The following TTC28 variants were observed in gnomAD, a reference collection of about 807,000 sequenced individuals.
TTC28 encodes tetratricopeptide repeat domain 28.
TTC28 carries 61 observed loss-of-function variants against 198.0 expected under a neutral mutation model. The ratio of observed to expected loss-of-function variants is 0.31; its 90% CI spans 0.25 to 0.38. The LOEUF (loss-of-function observed/expected upper bound fraction) is 0.38. Ranked by LOEUF, TTC28 falls within the 10% of genes least tolerant of loss-of-function variation. TTC28 has a pLI of 1.00. For missense variants in TTC28, 2,678 were observed against 3,164.0 expected, an observed-to-expected ratio of 0.85 and a Z score of 3.69; for synonymous variants, 1,171 against 1,297.8, an observed-to-expected ratio of 0.90 and a Z score of 2.10.
intron 2 of TTC28, among the ~76,000 whole-genome samples, chr22:28,503,815 C>T (rs1212891980): frequency 6.6e-6 from 1 of 152,096 alleles, no homozygotes; most frequent in East Asian, 1.9e-4. Context: ...TGACAGATTC[C>T]AAGAACTGAT....
chr22:28,629,801 G>T lies in TTC28; in HGVS notation c.132C>A (p.Gly44=). ...PIPLFGADTI[G]QRSPDGPVLS... is the part of the protein sequence containing the mutation. ...GTACCGGTCCATCAGGACTTCTCTG[G>T]CCAATAGTGTCAGCACCAAAGAGAG... Residue 44 remains glycine, a synonymous_variant, in exon 2 of 23, where the codon GGC becomes GGA. Transcript: ENST00000397906. 1 of 1,551,490 alleles carries T rather than the reference G, an allele frequency of 6.4e-7. No individual in the cohort carries two copies. Among genetic ancestry groups the T allele is most frequent in the South Asian group, 1.2e-5 (1 of 83,994 alleles).
At chr22:28,472,849 G>C (rs1284246440) in intron 2 of TTC28, among the ~76,000 whole-genome samples, 1 of 152,036 alleles carries the variant, frequency 6.6e-6, no homozygotes, top group East Asian at 1.9e-4. Context: ...ATAGTAACAA[G>C]AAGTTTCAGA....
chr22:28,041,154 T>C (rs1328227117), intron 12 of TTC28, among the ~76,000 whole-genome samples: 3 of 152,210 alleles, frequency 2.0e-5, no homozygotes, highest in Non-Finnish European at 4.4e-5. Context: ...ATGGCCATAC[T>C]GCCCAAGGTA....
chr22:28,557,539 A>G (rs1258709999), intron 2 of TTC28, among the ~76,000 whole-genome samples: 5 of 152,048 alleles, frequency 3.3e-5, no homozygotes, highest in Non-Finnish European at 5.9e-5. Context: ...CATATTTGAT[A>G]CTCTCTTGCT....
chr22:28,011,789 C>T (rs1938176572), intron 14 of TTC28, among the ~76,000 whole-genome samples: 1 of 151,998 alleles, frequency 6.6e-6, no homozygotes, highest in African/African-American at 2.4e-5. Flanking sequence ...GAGGTGACAC[C>T]TCAGCTGGGC....
chr22:28,333,851 T>C (rs535518897), intron 2 of TTC28, among the ~76,000 whole-genome samples: 111 of 151,622 alleles, frequency 7.3e-4, no homozygotes, highest in African/African-American at 2.7e-3. Context: ...ATTTTCTTTA[T>C]TTTTTATTTT....
At chr22:28,672,889 CT>C (rs1476489162) in intron 1 of TTC28, among the ~76,000 whole-genome samples, 1 of 152,284 alleles carries the variant, frequency 6.6e-6, no homozygotes, top group Non-Finnish European at 1.5e-5. Flanking sequence ...AAGAACATAC[CT>C]TATTTTACAA....
At chr22:28,552,420 C>T (rs959379161) in intron 2 of TTC28, among the ~76,000 whole-genome samples, 2 of 152,022 alleles carry the variant, frequency 1.3e-5, no homozygotes, top group Admixed American at 6.6e-5. Flanking sequence ...CCCGCATAGC[C>T]ACGTAAGACT....
intron 14 of TTC28, chr22:28,007,487 C>A (rs528750034): frequency 2.0e-5 from 3 of 152,328 alleles, no homozygotes; most frequent in East Asian, 1.9e-4. Context: ...AGAAACGTGA[C>A]CAATGGCCAG....
intron 2 of TTC28, among the ~76,000 whole-genome samples, chr22:28,402,794 C>T (rs920680645): frequency 6.6e-6 from 1 of 152,218 alleles, no homozygotes; most frequent in African/African-American, 2.4e-5. Flanking sequence ...ACAGGACACA[C>T]TCAGTAAATG....
chr22:28,419,851 C>T (rs1411034984), intron 2 of TTC28, among the ~76,000 whole-genome samples: 1 of 152,122 alleles, frequency 6.6e-6, no homozygotes, highest in African/African-American at 2.4e-5. Flanking sequence ...CCAACAGAGG[C>T]TCTAAAATGA....
chr22:28,596,063 A>T (rs2050536516), intron 2 of TTC28, among the ~76,000 whole-genome samples: 1 of 152,226 alleles, frequency 6.6e-6, no homozygotes, highest in Non-Finnish European at 1.5e-5. Context: ...ACAATCTGAT[A>T]GTAAAAAGAG....
chr22:28,487,760 A>G (rs2048329974), intron 2 of TTC28, among the ~76,000 whole-genome samples: 1 of 152,182 alleles, frequency 6.6e-6, no homozygotes. Flanking sequence ...AATACGTACC[A>G]ATATCAAAAT....
At chr22:28,021,687 G>A (rs1938608397) in intron 13 of TTC28, among the ~76,000 whole-genome samples, 1 of 152,174 alleles carries the variant, frequency 6.6e-6, no homozygotes, top group African/African-American at 2.4e-5. Context: ...ACAGGTGGCA[G>A]AACGAGGCCT....
At chr22:28,112,316 T>C (rs1188456108) in intron 6 of TTC28, among the ~76,000 whole-genome samples, 2 of 152,188 alleles carry the variant, frequency 1.3e-5, no homozygotes, top group Non-Finnish European at 2.9e-5. Flanking sequence ...GGCTAGTTAA[T>C]AGGGAGCAGT....
chr22:28,140,037 G>C (rs568918203), intron 6 of TTC28, among the ~76,000 whole-genome samples: 23 of 152,280 alleles, frequency 1.5e-4, no homozygotes, highest in Admixed American at 1.3e-3. Context: ...CTTGCTTATG[G>C]GCTCAGGTCT....
intron 5 of TTC28, among the ~76,000 whole-genome samples, chr22:28,225,303 C>T (rs1400561555): frequency 6.7e-6 from 1 of 149,878 alleles, no homozygotes; most frequent in Non-Finnish European, 1.5e-5. Flanking sequence ...TGCAGTGAGC[C>T]GAGATCATGC....
At chr22:28,337,634 T>C (rs1377306759) in intron 2 of TTC28, among the ~76,000 whole-genome samples, 2 of 152,242 alleles carry the variant, frequency 1.3e-5, no homozygotes, top group Non-Finnish European at 2.9e-5. Flanking sequence ...TGGTTTAAAG[T>C]CTGTTTTATC....
chr22:28,611,745 G>A (rs1241054864), intron 2 of TTC28, among the ~76,000 whole-genome samples: 1 of 146,306 alleles, frequency 6.8e-6, no homozygotes, highest in Non-Finnish European at 1.5e-5. Flanking sequence ...ACCTATGAGT[G>A]AGAATATGCG....
Sources: gnomAD v4.1 joint callset for allele counts (sites outside exome capture counted in the v4.1 genomes callset) on GRCh38, gnomAD v4.1.1 for gene constraint, MANE v1.5 for transcripts, NCBI Gene and HGNC (gene_info 2026-07-23, HGNC 2026-07-21) for gene names.